The following SLC52A1 variants were observed in gnomAD, a reference collection of about 807,000 sequenced individuals.
SLC52A1 encodes solute carrier family 52, riboflavin transporter, member 1.
SLC52A1 carries 20 observed loss-of-function variants against 23.2 expected under a neutral mutation model. The observed-to-expected ratio is 0.86, with a 90% CI of 0.61 to 1.25. The LOEUF (loss-of-function observed/expected upper bound fraction) is 1.25, where lower values mean the gene tolerates loss of function less well. SLC52A1 is among the 50% of genes most tolerant of loss of function. The pLI, the probability that SLC52A1 is intolerant of heterozygous loss-of-function variation, is 0.00. For synonymous variants in SLC52A1, 260 were observed against 256.6 expected, an observed-to-expected ratio of 1.01 and a Z score of -0.13; for missense variants, 528 against 557.0, an observed-to-expected ratio of 0.95 and a Z score of 0.52.
Position 5,032,968 on chromosome 17 carries a change from A to AG in SLC52A1, c.1335dup (p.Cys446LeufsTer54), listed in dbSNP as rs1184039567. On this transcript the variant is annotated frameshift_variant, in exon 5 of 5. Coordinates refer to ENST00000254853, the MANE Select transcript of SLC52A1 (RefSeq NM_017986.4). LOFTEE classifies it high-confidence loss of function. Reference sequence around the variant, plus strand: ...CCACCTGCCCAGGCTCAGGGGCCACAGGGGTCTACACAGTCCTTTCTGCTT... The same window carrying AG: ...CCACCTGCCCAGGCTCAGGGGCCACAGGGGGTCTACACAGTCCTTTCTGCTT... 1.2e-6 allele frequency: 2 copies of AG among 1,612,800 alleles called. No homozygotes were observed. The highest frequency in any genetic ancestry group is 1.1e-5 in the South Asian group (1 of 91,072).
In SLC52A1 at chr17:5,033,497, G is replaced by A. The variant is rs1975370117; in HGVS notation, c.992C>T (p.Ala331Val). 3.7e-6 allele frequency: 6 copies of A among 1,612,272 alleles called. No homozygotes were observed. The highest frequency in any genetic ancestry group is 3.4e-6 in the Non-Finnish European group (4 of 1,179,076). The change falls in exon 3 of 5, where the codon GCC becomes GTC. Residue 331 changes from alanine to valine, a missense_variant. Transcript: ENST00000254853. ...TTTGCACCTGCACAGCACGCCCATG[G>A]CCAGGAAGCAGGCAAGGGGGTTGGC... ...SAANPLACFLAMGVLCRSLAG... is the reference protein window; with the variant it reads ...SAANPLACFLVMGVLCRSLAG...
chr17:5,034,831 G>T, intron 1 of SLC52A1, 30 bp downstream of exon 1: 1 of 485,538 alleles, frequency 2.1e-6, no homozygotes, highest in Non-Finnish European at 3.6e-6. Flanking sequence ...GGCCGGGGGC[G>T]GGCGGGGAAG....
At chr17:5,035,873 A>ATTTTTTTT (rs71149503), upstream of SLC52A1, among the ~76,000 whole-genome samples, 1 of 45,302 alleles carries the variant, frequency 2.2e-5, no homozygotes, top group Non-Finnish European at 3.5e-5. Flanking sequence ...TGTCCAGCTA[A>ATTTTTTTT]TTTTTTTTTT....
chr17:5,035,970 T>G (rs1022551057), upstream of SLC52A1, among the ~76,000 whole-genome samples: 3 of 127,988 alleles, frequency 2.3e-5, no homozygotes, highest in Non-Finnish European at 4.7e-5. Context: ...TCTTCCTACC[T>G]CAGCCTCCCA....
Position 5,032,682 on chromosome 17 carries a change from G to A in SLC52A1, c.*275C>T. 1 of 367,192 alleles carries A rather than the reference G, an allele frequency of 2.7e-6. No individual in the cohort carries two copies. The highest frequency in any genetic ancestry group is 4.1e-5 in the Admixed American group (1 of 24,204). 22.7% of individuals were successfully genotyped at this position (367,192 alleles called of 1,614,324 possible). A position where few individuals can be genotyped will look rare whatever the true frequency, so the allele number is the denominator to read the frequency against. On this transcript the variant is annotated 3_prime_UTR_variant, in exon 5 of 5. Coordinates refer to ENST00000254853, the MANE Select transcript of SLC52A1 (RefSeq NM_017986.4). ...AGGTTTTCATTAGGCTTTTGTTTTT[G>A]TTTTTGGTTTTAAATAAAAACACTT...
At position 5,034,732 on chromosome 17, in the gene SLC52A1, G is replaced by T. The variant is rs776264897; in HGVS notation, c.-107-19C>A. The T allele has an allele frequency of 6.6e-5, 88 of 1,338,090 alleles. No homozygotes were observed. The highest frequency in any genetic ancestry group is 8.3e-5 in the Non-Finnish European group (82 of 993,456). The allele number at this position is 1,338,090 out of a possible 1,614,324, so 82.9% of individuals were successfully genotyped here. ...CTTCTAGCTGGAGGGAAACAGACAGGCTGGCAGGTAATAGGCTGGTGGGAC... is the reference window on the plus strand; with the variant it reads ...CTTCTAGCTGGAGGGAAACAGACAGTCTGGCAGGTAATAGGCTGGTGGGAC... On this transcript the variant is annotated intron_variant, in intron 1 of 4. Coordinates refer to ENST00000254853, the MANE Select transcript of SLC52A1 (RefSeq NM_017986.4).
chr17:5,034,183 C>T lies in SLC52A1; in HGVS notation c.306G>A (p.Val102=). The T allele has an allele frequency of 6.2e-7, 1 of 1,614,162 alleles. No homozygotes were observed. Among genetic ancestry groups the T allele is most frequent in the Non-Finnish European group, 8.5e-7 (1 of 1,180,008 alleles). Residue 102 remains valine, a synonymous_variant, in exon 3 of 5, where the codon GTG becomes GTA. Transcript: ENST00000254853. ...TALLAPLWHH[V]APVAGQLHSV... ...AGTGGAGCTGCCCTGCCACTGGGGC[C>T]ACGTGGTGCCACAGAGGGGCCAGCA...
Position 5,034,056 on chromosome 17 carries a change from G to T in SLC52A1, c.433C>A (p.Arg145=), listed in dbSNP as rs56126318. The T allele has an allele frequency of 0.075, 121,240 of 1,614,082 alleles. 5,097 individuals carry two copies. Among genetic ancestry groups the T allele is most frequent in the Middle Eastern group, 0.14 (846 of 6,062 alleles). ...FLSHLPPPFL[R]SFFLGQGLSA... ...AGACCCTGACCCAGGAAGAAAGACC[G>T]TAAGAAAGGAGGTGGCAGGTGGCTC... The change falls in exon 3 of 5, where the codon CGG becomes AGG. Residue 145 remains arginine, a synonymous_variant. Coordinates refer to ENST00000254853, the MANE Select transcript of SLC52A1 (RefSeq NM_017986.4).
upstream of SLC52A1, among the ~76,000 whole-genome samples, chr17:5,036,669 C>T (rs959542741): frequency 6.6e-6 from 1 of 152,004 alleles, no homozygotes; most frequent in Non-Finnish European, 1.5e-5. Flanking sequence ...GCCTCAGCCT[C>T]CCAAAGTGCT....
Position 5,032,742 on chromosome 17 carries a change from G to T in SLC52A1, c.*215C>A. The T allele has an allele frequency of 1.9e-6, 1 of 514,916 alleles. No individual in the cohort carries two copies. Among genetic ancestry groups the T allele is most frequent in the Non-Finnish European group, 3.5e-6 (1 of 289,320 alleles). The allele number at this position is 514,916 out of a possible 1,614,324, so 31.9% of individuals were successfully genotyped here. On this transcript the variant is annotated 3_prime_UTR_variant, in exon 5 of 5. Coordinates refer to ENST00000254853, the MANE Select transcript of SLC52A1 (RefSeq NM_017986.4). ...AATCCCACAAAGGTCTCAGGCCCTGGGTCCAAGCCCACAGCCCCAACCTGT... is the reference window on the plus strand; with the variant it reads ...AATCCCACAAAGGTCTCAGGCCCTGTGTCCAAGCCCACAGCCCCAACCTGT...
In SLC52A1 at chr17:5,033,035, G is replaced by A. The variant is rs777557714; in HGVS notation, c.1269C>T (p.Ala423=). ...VAIQVGSLLG[A]GAMFPPTSIY... The stretch of plus-strand genomic sequence containing the variant: ...TGCTGGTGGGAGGGAACATGGCACC[G>A]GCACCAAGCAGGGAGCCCACTTGGA... Residue 423 remains alanine, a synonymous_variant, in exon 5 of 5, where the codon GCC becomes GCT. Transcript: ENST00000254853. The A allele has an allele frequency of 4.3e-6, 7 of 1,613,730 alleles. No individual in the cohort carries two copies. Among genetic ancestry groups the A allele is most frequent in the African/African-American group, 1.3e-5 (1 of 75,012 alleles).
upstream of SLC52A1, among the ~76,000 whole-genome samples, chr17:5,037,283 G>C (rs776823873): frequency 6.6e-6 from 1 of 152,202 alleles, no homozygotes; most frequent in Non-Finnish European, 1.5e-5. Flanking sequence ...ACTTTGGGAG[G>C]CCGAGGCGGG....
chr17:5,042,026 A>G (rs990917197), intron 1 of SLC52A1, among the ~76,000 whole-genome samples: 5 of 152,154 alleles, frequency 3.3e-5, no homozygotes, highest in African/African-American at 4.8e-5. Context: ...GTGAGTCACC[A>G]TGCCCAGCCG....
Position 5,034,036 on chromosome 17 carries a change from C to G in SLC52A1, c.453G>C (p.Gln151His), listed in dbSNP as rs368344539. The change falls in exon 3 of 5, where the codon CAG becomes CAC. Residue 151 changes from glutamine to histidine, a missense_variant. Physicochemically the swap from Gln to His is conservative, Grantham distance 24. Transcript: ENST00000254853. ...CACAGGGGAGTAGGGCACTGAGACC[C>G]TGACCCAGGAAGAAAGACCGTAAGA... ...PPFLRSFFLG[Q>H]GLSALLPCVL... The G allele has an allele frequency of 3.1e-5, 50 of 1,614,132 alleles. No individual in the cohort carries two copies. Among genetic ancestry groups the G allele is most frequent in the Non-Finnish European group, 4.0e-5 (47 of 1,179,994 alleles).
upstream of SLC52A1, among the ~76,000 whole-genome samples, chr17:5,037,921 T>A (rs1427232308): frequency 6.9e-6 from 1 of 144,108 alleles, no homozygotes; most frequent in East Asian, 2.0e-4. Context: ...TTCCTTTTTT[T>A]TTTTTTTTTT....
In SLC52A1 at chr17:5,033,560, C is replaced by T. The variant is rs9897165; in HGVS notation, c.929G>A (p.Arg310His). ...VQSFSCLPYG[R>H]LAYHLAVVLG... ...CACCACAGCCAGGTGGTAGGCCAGG[C>T]GCCCATAGGGCAAACAGGAAAAGCT... The change falls in exon 3 of 5, where the codon CGC becomes CAC. Residue 310 changes from arginine to histidine, a missense_variant. By Grantham distance (29) the Arg-to-His change is conservative. Coordinates refer to ENST00000254853, the MANE Select transcript of SLC52A1 (RefSeq NM_017986.4). 1.5e-3 allele frequency: 2,437 copies of T among 1,613,872 alleles called. 29 individuals carry two copies. The African/African-American group carries it at 0.027, about 18-fold the overall frequency.
At chr17:5,040,613 C>T (rs1372449148) in intron 1 of SLC52A1, among the ~76,000 whole-genome samples, 1 of 151,340 alleles carries the variant, frequency 6.6e-6, no homozygotes, top group Non-Finnish European at 1.5e-5. Flanking sequence ...GGGTCTGGTG[C>T]ACGGGGAATA....
upstream of SLC52A1, among the ~76,000 whole-genome samples, chr17:5,039,054 GC>G (rs34865045): frequency 1 from 152,098 of 152,098 alleles, 76,049 homozygotes; most frequent in Non-Finnish European, 1. Context: ...GGGCGCGGTG[GC>G]CTCATGCCTG....
At position 5,034,233 on chromosome 17, in the gene SLC52A1, C is replaced by A. The variant is rs1168933298; in HGVS notation, c.256G>T (p.Val86Leu). ...GEQVPIQVVQ[V>L]LSVVGTALLA... Reference sequence around the variant, plus strand: ...AGGGCTGTGCCCACTACACTCAGCACCTGTACCACCTGGATGGGGACCTGC... The same window carrying A: ...AGGGCTGTGCCCACTACACTCAGCAACTGTACCACCTGGATGGGGACCTGC... Residue 86 changes from valine (V) to leucine (L), a missense_variant, in exon 3 of 5, where the codon GTG becomes TTG. By Grantham distance (32) the Val-to-Leu change is conservative. Coordinates refer to ENST00000254853, the MANE Select transcript of SLC52A1 (RefSeq NM_017986.4). 2 of 1,613,692 alleles carry A rather than the reference C, an allele frequency of 1.2e-6. No individual in the cohort carries two copies. Among genetic ancestry groups the A allele is most frequent in the South Asian group, 2.2e-5 (2 of 91,078 alleles).
Sources: gnomAD v4.1 joint callset for allele counts (sites outside exome capture counted in the v4.1 genomes callset) on GRCh38, gnomAD v4.1.1 for gene constraint, MANE v1.5 for transcripts, NCBI Gene and HGNC (gene_info 2026-07-23, HGNC 2026-07-21) for gene names.